SLX4IP: variants seen among roughly 807,000 people sequenced by gnomAD.
SLX4IP encodes the protein protein SLX4IP.
Under a neutral mutation model 32.9 loss-of-function variants are expected in SLX4IP, and 34 were observed. That is an observed-to-expected ratio of 1.03 (90% CI 0.79 to 1.38). The LOEUF is 1.38. SLX4IP is among the 40% of genes most tolerant of loss of function. The probability of loss-of-function intolerance (pLI) is 0.00; values close to 1 mark genes in which losing one functional copy is unlikely to be tolerated. For missense variants in SLX4IP, 444 were observed against 479.0 expected (o/e 0.93, Z 0.68); for synonymous variants, 172 against 171.7 (o/e 1.00, Z -0.01).
In SLX4IP at chr20:10,479,352, CT is replaced by C. The variant is rs764474218; in HGVS notation, c.27+21139del. Among the ~76,000 whole-genome samples, 390 of 73,716 alleles carry C rather than the reference CT, an allele frequency of 5.3e-3. 5 individuals carry two copies. Among genetic ancestry groups the C allele is most frequent in the African/African-American group, 0.013 (327 of 25,352 alleles). The allele number at this position is 73,716 out of a possible 152,430, so 48.4% of individuals were successfully genotyped here. The stretch of plus-strand genomic sequence containing the variant: ...TTCTCATCGCTCAAATTCCATATTT[CT>C]TTTTTTTTTTTTTTTTTGAGATGGA... On this transcript the variant is annotated intron_variant, in intron 2 of 7. Coordinates refer to ENST00000334534, the MANE Select transcript of SLX4IP (RefSeq NM_001009608.3).
intron 4 of SLX4IP, among the ~76,000 whole-genome samples, chr20:10,590,037 A>G (rs1225677321): frequency 6.6e-6 from 1 of 152,154 alleles, no homozygotes; most frequent in African/African-American, 2.4e-5. Context: ...ACACACATAA[A>G]AAATAACAGT....
intron 2 of SLX4IP, among the ~76,000 whole-genome samples, chr20:10,542,313 T>C (rs2066116319): frequency 6.6e-6 from 1 of 152,200 alleles, no homozygotes; most frequent in Non-Finnish European, 1.5e-5. Context: ...CTTCCTTAGG[T>C]GGAGCCAGTA....
Position 10,489,639 on chromosome 20 carries a change from G to A in SLX4IP, c.27+31408G>A, listed in dbSNP as rs140072733. On this transcript the variant is annotated intron_variant, in intron 2 of 7. Transcript: ENST00000334534. ...TGTAAAAATATTCCCTCTCCTCAAC[G>A]TGCTAGCACAAGAGTAAGGGGTCAG... 1.8e-3 allele frequency among the ~76,000 whole-genome samples: 269 copies of A among 152,152 alleles called. 1 individual carries two copies. Among genetic ancestry groups the A allele is most frequent in the African/African-American group, 5.8e-3 (242 of 41,496 alleles).
intron 4 of SLX4IP, among the ~76,000 whole-genome samples, chr20:10,583,862 G>A (rs1054192239): frequency 3.3e-5 from 5 of 152,068 alleles, no homozygotes; most frequent in African/African-American, 4.8e-5. Flanking sequence ...ACTCTTTTAC[G>A]TAGGCTTCTG....
intron 2 of SLX4IP, among the ~76,000 whole-genome samples, chr20:10,507,265 A>G (rs1316525527): frequency 1.3e-5 from 2 of 152,058 alleles, no homozygotes; most frequent in Non-Finnish European, 2.9e-5. Flanking sequence ...GATGTGAAGA[A>G]CCCGTCATGT....
rs1399801714 is a variant in SLX4IP, at chr20:10,613,388, A to T, written c.406-7926A>T. ...TTCAAGTCTTGCCTGCACCTTGCTTACAATGGCATCAATTTACACCTAAGG... is the reference window on the plus strand; with the variant it reads ...TTCAAGTCTTGCCTGCACCTTGCTTTCAATGGCATCAATTTACACCTAAGG... On this transcript the variant is annotated intron_variant, in intron 6 of 7. Coordinates refer to ENST00000334534, the MANE Select transcript of SLX4IP (RefSeq NM_001009608.3). The T allele has an allele frequency of 2.7e-6, 4 of 1,475,646 alleles. No individual in the cohort carries two copies. In the African/African-American group the frequency reaches 5.6e-5, roughly 21 times the overall value. The allele number at this position is 1,475,646 out of a possible 1,614,324, so 91.4% of individuals were successfully genotyped here. A position where few individuals can be genotyped will look rare whatever the true frequency, so the allele number is the denominator to read the frequency against.
intron 1 of SLX4IP, among the ~76,000 whole-genome samples, chr20:10,443,715 C>A (rs74738423): frequency 6.6e-6 from 1 of 152,144 alleles, no homozygotes; most frequent in Non-Finnish European, 1.5e-5. Context: ...GAGCAAATCT[C>A]ATGTTGAATT....
Position 10,597,126 on chromosome 20 carries a change from G to A in SLX4IP, c.239-1549G>A, listed in dbSNP as rs191228840. On this transcript the variant is annotated intron_variant, in intron 4 of 7. Coordinates refer to ENST00000334534, the MANE Select transcript of SLX4IP (RefSeq NM_001009608.3). Reference sequence around the variant, plus strand: ...TCTACAGGAGTGTCGGAAGGATACTGAATATGAAAGTGGAAACTTCTTTAA... The same window carrying A: ...TCTACAGGAGTGTCGGAAGGATACTAAATATGAAAGTGGAAACTTCTTTAA... 2.1e-3 allele frequency among the ~76,000 whole-genome samples: 320 copies of A among 152,292 alleles called. 2 individuals carry two copies. The highest frequency in any genetic ancestry group is 3.4e-3 in the Middle Eastern group (1 of 292).
chr20:10,463,145 T>C (rs1467152684), intron 2 of SLX4IP, among the ~76,000 whole-genome samples: 3 of 152,142 alleles, frequency 2.0e-5, no homozygotes, highest in Middle Eastern at 3.2e-3. Context: ...CTGGGAGATA[T>C]AGGGGTAACT....
At chr20:10,482,224 C>T (rs775496360) in intron 2 of SLX4IP, among the ~76,000 whole-genome samples, 19 of 152,268 alleles carry the variant, frequency 1.2e-4, no homozygotes, top group South Asian at 4.1e-4. Context: ...GCTTTTCCTA[C>T]GGCTCTAAGT....
Position 10,470,734 on chromosome 20 carries a change from C to G in SLX4IP, c.27+12503C>G, listed in dbSNP as rs547247982. On this transcript the variant is annotated intron_variant, in intron 2 of 7. Transcript: ENST00000334534. ...AGGTCTAGCATCCGGATCCTTATTA[C>G]CTGAAAAATTCACCATATGTTACTG... 5.3e-5 allele frequency among the ~76,000 whole-genome samples: 8 copies of G among 152,302 alleles called. No individual in the cohort carries two copies. The South Asian group carries it at 1.7e-3, about 32-fold the overall frequency.
chr20:10,478,596 C>G (rs372631699), intron 2 of SLX4IP, among the ~76,000 whole-genome samples: 12 of 152,296 alleles, frequency 7.9e-5, no homozygotes, highest in African/African-American at 2.9e-4. Flanking sequence ...TTAATATTAA[C>G]TATATTACAT....
intron 4 of SLX4IP, among the ~76,000 whole-genome samples, chr20:10,578,937 T>A (rs1243579599): frequency 6.6e-6 from 1 of 152,220 alleles, no homozygotes; most frequent in East Asian, 1.9e-4. Flanking sequence ...TTTTATTGAG[T>A]TATGGGAATT....
chr20:10,605,440 A>G (rs1347074502), intron 6 of SLX4IP, among the ~76,000 whole-genome samples: 1 of 152,190 alleles, frequency 6.6e-6, no homozygotes, highest in Non-Finnish European at 1.5e-5. Context: ...ATGTCATTCA[A>G]ATAGGGCCTC....
At chr20:10,576,044 T>G (rs2066519730) in intron 4 of SLX4IP, among the ~76,000 whole-genome samples, 1 of 152,160 alleles carries the variant, frequency 6.6e-6, no homozygotes, top group African/African-American at 2.4e-5. Context: ...ACCCAAGTGT[T>G]GATTAAAAAC....
chr20:10,549,910 T>C (rs1367429154), intron 2 of SLX4IP, among the ~76,000 whole-genome samples: 1 of 152,222 alleles, frequency 6.6e-6, no homozygotes, highest in Non-Finnish European at 1.5e-5. Context: ...CATTGTAAGA[T>C]ATATGCAGTT....
chr20:10,548,083 G>A (rs1391651449), intron 2 of SLX4IP, among the ~76,000 whole-genome samples: 1 of 152,186 alleles, frequency 6.6e-6, no homozygotes, highest in Non-Finnish European at 1.5e-5. Flanking sequence ...AGGCAATTTA[G>A]TTCAGTCCAC....
chr20:10,604,009 AG>A (rs891129078), intron 6 of SLX4IP, among the ~76,000 whole-genome samples: 1 of 152,238 alleles, frequency 6.6e-6, no homozygotes, highest in African/African-American at 2.4e-5. Flanking sequence ...TCTGCCTGAG[AG>A]AAGGCATTCT....
intron 4 of SLX4IP, among the ~76,000 whole-genome samples, chr20:10,569,303 A>AG (rs911103243): frequency 6.6e-6 from 1 of 151,138 alleles, no homozygotes; most frequent in Non-Finnish European, 1.5e-5. Context: ...CTCCTGCCTC[A>AG]GCCTCCCAAG....
Sources: allele counts gnomAD v4.1 joint callset (sites outside exome capture counted in the v4.1 genomes callset), GRCh38; gene constraint gnomAD v4.1.1; transcripts MANE v1.5; gene names NCBI Gene and HGNC (gene_info 2026-07-23, HGNC 2026-07-21).